Variants in CBLB observed in about 807,000 individuals in gnomAD.
CBLB encodes Cbl proto-oncogene B.
Under a neutral mutation model 104.9 loss-of-function variants are expected in CBLB, and 31 were observed. The observed-to-expected ratio is 0.30, with a 90% CI of 0.22 to 0.40. CBLB has a LOEUF of 0.40. Among genes scored for constraint, CBLB ranks in the 10% least tolerant of loss-of-function variants. CBLB has a pLI of 1.00. For missense variants in CBLB, 1,062 were observed against 1,214.6 expected, an observed-to-expected ratio of 0.87 and a Z score of 1.87; for synonymous variants, 440 against 422.6, an observed-to-expected ratio of 1.04 and a Z score of -0.51.
intron 12 of CBLB, among the ~76,000 whole-genome samples, chr3:105,700,220 G>C (rs572613777): frequency 6.6e-6 from 1 of 152,012 alleles, no homozygotes; most frequent in South Asian, 2.1e-4. Context: ...AAAATTAACA[G>C]CCAGTTTTCT....
chr3:105,708,992 G>A (rs190603391), intron 10 of CBLB, among the ~76,000 whole-genome samples: 1 of 151,984 alleles, frequency 6.6e-6, no homozygotes, highest in Admixed American at 6.6e-5. Flanking sequence ...TAAAGTTACT[G>A]TTAAACAAAA....
At chr3:105,678,336 T>C (rs530088053) in intron 17 of CBLB, 95 bp downstream of exon 17, 4 of 1,230,856 alleles carry the variant, frequency 3.2e-6, no homozygotes. Context: ...GCTAGGGAGG[T>C]AGAGACTAAT....
chr3:105,727,767 C>A (rs192448947), intron 9 of CBLB, among the ~76,000 whole-genome samples: 19 of 152,250 alleles, frequency 1.2e-4, no homozygotes, highest in Admixed American at 1.1e-3. Flanking sequence ...GTATGGCTAG[C>A]CAGTTTTCCC....
chr3:105,789,024 C>T (rs537509278), intron 3 of CBLB, among the ~76,000 whole-genome samples: 11 of 152,278 alleles, frequency 7.2e-5, no homozygotes, highest in Non-Finnish European at 1.3e-4. Flanking sequence ...AGCATCCCAA[C>T]CAACATTATA....
chr3:105,809,028 A>G (rs1461971191), intron 3 of CBLB, among the ~76,000 whole-genome samples: 1 of 152,208 alleles, frequency 6.6e-6, no homozygotes, highest in African/African-American at 2.4e-5. Context: ...CTTAGCTCAT[A>G]TTTATTGAGT....
At position 105,859,779 on chromosome 3, in the gene CBLB, G is replaced by A. The variant is rs182007351; in HGVS notation, c.169-6115C>T. 8.4e-3 allele frequency among the ~76,000 whole-genome samples: 1,276 copies of A among 151,754 alleles called. 18 individuals are homozygous for A. Among genetic ancestry groups the A allele is most frequent in the African/African-American group, 0.029 (1,182 of 41,404 alleles). On this transcript the variant is annotated intron_variant, in intron 2 of 18. Transcript: ENST00000394030. ...CTCTCTCTTTATAATAACAGGTACC[G>A]AAGAGTTCTTTGGGTTCTTTCCATT... is the stretch of plus-strand genomic sequence containing the variant.
rs574477394 is a variant in CBLB, at chr3:105,704,258, A to G, written c.1408-85T>C. The G allele has an allele frequency of 2.6e-5, 34 of 1,292,152 alleles. 1 individual carries two copies. The highest frequency in any genetic ancestry group is 2.2e-4 in the Admixed American group (13 of 58,168). The allele number at this position is 1,292,152 out of a possible 1,614,324, so 80.0% of individuals were successfully genotyped here. A position where few individuals can be genotyped will look rare whatever the true frequency, so the allele number is the denominator to read the frequency against. Reference sequence around the variant, plus strand: ...CTTAAAGAATATATTTGGTTGGAAGAAGGTTTCTGGCACCATACATTTGTT... The same window carrying G: ...CTTAAAGAATATATTTGGTTGGAAGGAGGTTTCTGGCACCATACATTTGTT... On this transcript the variant is annotated intron_variant, in intron 10 of 18. Coordinates refer to ENST00000394030, the MANE Select transcript of CBLB (RefSeq NM_170662.5).
intron 9 of CBLB, among the ~76,000 whole-genome samples, chr3:105,727,590 T>C (rs1488063832): frequency 6.6e-6 from 1 of 152,226 alleles, no homozygotes; most frequent in Admixed American, 6.5e-5. Flanking sequence ...CCATTGCTTT[T>C]AGTGTTTTAG....
chr3:105,742,122 CT>C (rs2075660547), intron 6 of CBLB, among the ~76,000 whole-genome samples: 1 of 152,176 alleles, frequency 6.6e-6, no homozygotes, highest in Non-Finnish European at 1.5e-5. Flanking sequence ...TGCATTCAAT[CT>C]TTCTATCAGG....
chr3:105,661,402 C>G (rs2063778091), intron 18 of CBLB, among the ~76,000 whole-genome samples: 1 of 152,058 alleles, frequency 6.6e-6, no homozygotes, highest in Admixed American at 6.6e-5. Flanking sequence ...ATTTTCAAAA[C>G]TATTAGAAAT....
At chr3:105,853,372 T>A in intron 3 of CBLB, 42 bp downstream of exon 3, 1 of 1,606,940 alleles carries the variant, frequency 6.2e-7, no homozygotes, top group Non-Finnish European at 8.5e-7. Context: ...AAAAGCAACA[T>A]AAATGACCTT....
At chr3:105,809,882 A>C (rs562807233) in intron 3 of CBLB, among the ~76,000 whole-genome samples, 2 of 152,342 alleles carry the variant, frequency 1.3e-5, no homozygotes, top group South Asian at 2.1e-4. Flanking sequence ...TCTGAAGTGA[A>C]GAAATTCAGT....
In CBLB at chr3:105,655,570, A is replaced by G. The variant is rs1283653019; in HGVS notation, c.*3400T>C. ...TGAATAAAATATAAATTAATTGAAC[A>G]TATGACTATTTTGCCACATCACACA... On this transcript the variant is annotated 3_prime_UTR_variant, in exon 19 of 19. Transcript: ENST00000394030. The G allele has an allele frequency of 5.5e-6, 1 of 181,624 alleles. No homozygotes were observed. Among genetic ancestry groups the G allele is most frequent in the Non-Finnish European group, 1.2e-5 (1 of 85,210 alleles). The allele number at this position is 181,624 out of a possible 1,614,324, so 11.3% of individuals were successfully genotyped here.
chr3:105,764,562 G>A (rs2078013881), intron 4 of CBLB, among the ~76,000 whole-genome samples: 1 of 152,060 alleles, frequency 6.6e-6, no homozygotes, highest in Admixed American at 6.6e-5. Flanking sequence ...TCCCTCTCCT[G>A]GGGACTTTCT....
chr3:105,802,927 C>T (rs1336680277), intron 3 of CBLB, among the ~76,000 whole-genome samples: 1 of 152,096 alleles, frequency 6.6e-6, no homozygotes, highest in South Asian at 2.1e-4. Context: ...TTCCATTACA[C>T]CAGTGTAATT....
At chr3:105,663,399 G>A (rs1038587310) in intron 18 of CBLB, among the ~76,000 whole-genome samples, 2 of 152,142 alleles carry the variant, frequency 1.3e-5, no homozygotes, top group African/African-American at 2.4e-5. Context: ...AGGAGGTAAC[G>A]ATTGGTCAGC....
intron 2 of CBLB, among the ~76,000 whole-genome samples, chr3:105,860,007 C>T (rs143911024): frequency 1.1e-4 from 17 of 152,112 alleles, no homozygotes; most frequent in African/African-American, 2.2e-4. Flanking sequence ...TGGTTTTCCA[C>T]GAAGATGTCT....
intron 17 of CBLB, chr3:105,671,370 T>C (rs570651994): frequency 4.6e-6 from 1 of 215,076 alleles, no homozygotes; most frequent in East Asian, 6.9e-5. Context: ...GAGGGATCTT[T>C]TCCTACTTCT....
At chr3:105,698,626 A>AAAG (rs58055701) in intron 12 of CBLB, among the ~76,000 whole-genome samples, 1 of 141,840 alleles carries the variant, frequency 7.1e-6, no homozygotes, top group Non-Finnish European at 1.6e-5. Context: ...AAAAAAAAAA[A>AAAG]GCGCATTTGC....
Sources: gnomAD v4.1 joint callset for allele counts (sites outside exome capture counted in the v4.1 genomes callset) on GRCh38, gnomAD v4.1.1 for gene constraint, MANE v1.5 for transcripts, NCBI Gene and HGNC (gene_info 2026-07-23, HGNC 2026-07-21) for gene names.